Variants in CLOCK observed in about 807,000 individuals in gnomAD.
CLOCK encodes circadian locomoter output cycles protein kaput.
A neutral mutation model predicts 118.4 loss-of-function variants in CLOCK; 43 were observed. The ratio of observed to expected loss-of-function variants is 0.36; its 90% CI spans 0.28 to 0.47. The LOEUF (loss-of-function observed/expected upper bound fraction) is 0.47. Ranked by LOEUF, CLOCK falls within the 20% of genes least tolerant of loss-of-function variation. The pLI is 1.00. For synonymous variants in CLOCK, 326 were observed against 339.2 expected (o/e 0.96, Z 0.43); for missense variants, 846 against 999.9 (o/e 0.85, Z 2.08).
intron 2 of CLOCK, among the ~76,000 whole-genome samples, chr4:55,502,026 G>C (rs1178443222): frequency 6.6e-6 from 1 of 152,126 alleles, no homozygotes; most frequent in African/African-American, 2.4e-5. Context: ...TATAAGACCT[G>C]TTTTTACACG....
rs772354488 is a variant in CLOCK, at chr4:55,435,514, A to G, written c.2442T>C (p.Pro814=). The G allele has an allele frequency of 9.3e-6, 15 of 1,613,948 alleles. No homozygotes were observed. The African/African-American group carries it at 2.0e-4, about 22-fold the overall frequency. ...ACTGATGTTGCTGGTGATGTGACTG[A>G]GGGAAGGTGCTCTGTTGTAGAGGAA... is the stretch of plus-strand genomic sequence containing the variant. ...AAFPLQQSTF[P]QSHHQQHQSQ... is the part of the protein sequence containing the mutation. The change falls in exon 23 of 23, where the codon CCT becomes CCC. Residue 814 remains proline, a synonymous_variant. Coordinates refer to ENST00000513440, the MANE Select transcript of CLOCK (RefSeq NM_004898.4).
chr4:55,435,442 G>A lies in CLOCK; in HGVS notation c.2514C>T (p.Pro838=), dbSNP rs556856022. 27 of 1,613,920 alleles carry A rather than the reference G, an allele frequency of 1.7e-5. No individual in the cohort carries two copies. The African/African-American group carries it at 1.7e-4, about 10-fold the overall frequency. Reference sequence around the variant, plus strand: ...ACTGTGGTTGAACCTTGGAAGGGTCGGGCAAGCTGTCAGTCCTGTGCCGGC... The same window carrying A: ...ACTGTGGTTGAACCTTGGAAGGGTCAGGCAAGCTGTCAGTCCTGTGCCGGC... ...QLSRHRTDSL[P]DPSKVQPQ The change falls in exon 23 of 23, where the codon CCC becomes CCT. Residue 838 remains proline, a synonymous_variant. Coordinates refer to ENST00000513440, the MANE Select transcript of CLOCK (RefSeq NM_004898.4).
chr4:55,437,155 G>A (rs571655892), intron 22 of CLOCK, among the ~76,000 whole-genome samples: 28 of 152,210 alleles, frequency 1.8e-4, no homozygotes, highest in African/African-American at 6.7e-4. Flanking sequence ...AGATATTTAG[G>A]CAACTAGCCT....
At position 55,434,277 on chromosome 4, in the gene CLOCK, A is replaced by G. The variant is rs1330285609; in HGVS notation, c.*1138T>C. 1.3e-5 allele frequency: 2 copies of G among 152,630 alleles called. No individual in the cohort carries two copies. Among genetic ancestry groups the G allele is most frequent in the Non-Finnish European group, 2.9e-5 (2 of 68,032 alleles). The allele number at this position is 152,630 out of a possible 1,614,324, so 9.5% of individuals were successfully genotyped here. On this transcript the variant is annotated 3_prime_UTR_variant, in exon 23 of 23. Coordinates refer to ENST00000513440, the MANE Select transcript of CLOCK (RefSeq NM_004898.4). ...ACTAAAAGAAGCATTGAAATTGTGA[A>G]GGATAATAAAAAAGATTTCAACAAA...
At chr4:55,542,977 G>T (rs1307774747) in intron 1 of CLOCK, among the ~76,000 whole-genome samples, 2 of 152,080 alleles carry the variant, frequency 1.3e-5, no homozygotes, top group Non-Finnish European at 1.5e-5. Flanking sequence ...TTAAAACAGG[G>T]TGTCACTCTG....
At chr4:55,508,338 A>G (rs773372301) in intron 2 of CLOCK, among the ~76,000 whole-genome samples, 1 of 152,234 alleles carries the variant, frequency 6.6e-6, no homozygotes, top group Non-Finnish European at 1.5e-5. Flanking sequence ...TTTTAGAATA[A>G]AAATAATAGA....
chr4:55,524,083 G>T (rs1281265681), intron 1 of CLOCK, among the ~76,000 whole-genome samples: 1 of 151,996 alleles, frequency 6.6e-6, no homozygotes, highest in Non-Finnish European at 1.5e-5. Flanking sequence ...ATGGTGTAAG[G>T]CTCATCAGAA....
chr4:55,544,194 ACACAC>A (rs1731464129), intron 1 of CLOCK, among the ~76,000 whole-genome samples: 1 of 150,952 alleles, frequency 6.6e-6, no homozygotes. Context: ...ACACACACAC[ACACAC>A]CCCAATTTAC....
chr4:55,461,433 AC>A (rs1454751617), intron 9 of CLOCK, among the ~76,000 whole-genome samples: 2 of 151,742 alleles, frequency 1.3e-5, no homozygotes, highest in East Asian at 3.9e-4. Context: ...GAAGACCTGG[AC>A]CTCCATGAGG....
At chr4:55,465,820 T>C (rs761951191) in intron 8 of CLOCK, among the ~76,000 whole-genome samples, 3 of 151,944 alleles carry the variant, frequency 2.0e-5, no homozygotes, top group Non-Finnish European at 4.4e-5. Flanking sequence ...GGCATGGTGG[T>C]GTGCACCTAT....
chr4:55,440,972 A>C (rs1265075640), intron 21 of CLOCK, among the ~76,000 whole-genome samples: 1 of 151,498 alleles, frequency 6.6e-6, no homozygotes, highest in South Asian at 2.1e-4. Flanking sequence ...TTACAAAAAC[A>C]AAACAAAACA....
chr4:55,533,090 A>G (rs774127518), intron 1 of CLOCK, among the ~76,000 whole-genome samples: 19 of 152,314 alleles, frequency 1.2e-4, no homozygotes, highest in South Asian at 4.1e-4. Flanking sequence ...CAAATTCTCA[A>G]TGACATTTTT....
At chr4:55,527,896 T>C (rs991457638) in intron 1 of CLOCK, among the ~76,000 whole-genome samples, 8 of 151,870 alleles carry the variant, frequency 5.3e-5, no homozygotes, top group Admixed American at 4.6e-4. Flanking sequence ...ATTTAAAAAA[T>C]TAGCTGGGCA....
At chr4:55,448,620 G>A (rs1317375348) in intron 18 of CLOCK, among the ~76,000 whole-genome samples, 159 bp downstream of exon 18, 1 of 150,724 alleles carries the variant, frequency 6.6e-6, no homozygotes, top group Non-Finnish European at 1.5e-5. Flanking sequence ...GTGTGTGTGT[G>A]TGTGTGTGTG....
In CLOCK at chr4:55,433,212, T is replaced by A. The variant is rs775842437; in HGVS notation, c.*2203A>T. 7 of 152,630 alleles carry A rather than the reference T, an allele frequency of 4.6e-5. No individual in the cohort carries two copies. The highest frequency in any genetic ancestry group is 1.0e-4 in the Non-Finnish European group (7 of 68,040). 9.5% of individuals were successfully genotyped at this position (152,630 alleles called of 1,614,324 possible). On this transcript the variant is annotated 3_prime_UTR_variant, in exon 23 of 23. Coordinates refer to ENST00000513440, the MANE Select transcript of CLOCK (RefSeq NM_004898.4). ...GTGTACATATGCTCAGGTACATACA[T>A]ATTCTGACAACTATTCTTGATATTC... is the stretch of plus-strand genomic sequence containing the variant.
At chr4:55,446,569 G>A (rs1183883902) in intron 18 of CLOCK, among the ~76,000 whole-genome samples, 1 of 152,066 alleles carries the variant, frequency 6.6e-6, no homozygotes, top group Non-Finnish European at 1.5e-5. Context: ...TAGAACATGG[G>A]CTTTTAAAGA....
chr4:55,443,846 A>C lies in CLOCK; in HGVS notation c.1743T>G (p.Leu581=). The change falls in exon 20 of 23, where the codon CTT becomes CTG. Residue 581 remains leucine (L), a synonymous_variant. Coordinates refer to ENST00000513440, the MANE Select transcript of CLOCK (RefSeq NM_004898.4). ...NPGLNFGSVQ[L]SSGNSSNIQQ... ...GGATATTAGATGAATTTCCAGAAGA[A>C]AGTTGAACGGAACCAAAATTCAACC... 2 of 1,613,706 alleles carry C rather than the reference A, an allele frequency of 1.2e-6. No homozygotes were observed. Among genetic ancestry groups the C allele is most frequent in the Non-Finnish European group, 1.7e-6 (2 of 1,179,984 alleles).
Position 55,435,320 on chromosome 4 carries a change from C to G in CLOCK, c.*95G>C, listed in dbSNP as rs1416148309. On this transcript the variant is annotated 3_prime_UTR_variant, in exon 23 of 23. Transcript: ENST00000513440. ...ACACTCAATACTGCATCTCATGAAA[C>G]TGCTGGAACTTTCCCTCCTTTCCTC... 13 of 1,444,908 alleles carry G rather than the reference C, an allele frequency of 9.0e-6. No homozygotes were observed. In the East Asian group the frequency reaches 3.0e-4, roughly 33 times the overall value. The allele number at this position is 1,444,908 out of a possible 1,614,324, so 89.5% of individuals were successfully genotyped here.
intron 3 of CLOCK, among the ~76,000 whole-genome samples, chr4:55,488,403 A>C (rs1055182346): frequency 7.9e-5 from 12 of 152,350 alleles, no homozygotes; most frequent in African/African-American, 2.9e-4. Flanking sequence ...CTTTTTAGAC[A>C]TTTCTACAGA....
Sources: allele counts gnomAD v4.1 joint callset (sites outside exome capture counted in the v4.1 genomes callset), GRCh38; gene constraint gnomAD v4.1.1; transcripts MANE v1.5; gene names NCBI Gene and HGNC (gene_info 2026-07-23, HGNC 2026-07-21).